Variants in MGAT4C observed in about 807,000 individuals in gnomAD.
MGAT4C encodes the protein MGAT4 family member C.
A neutral mutation model predicts 40.1 loss-of-function variants in MGAT4C; 19 were observed. The ratio of observed to expected loss-of-function variants is 0.47; its 90% confidence interval spans 0.33 to 0.70. MGAT4C has a LOEUF of 0.70. Ranked by LOEUF, MGAT4C falls within the 30% of genes least tolerant of loss-of-function variation. The pLI is 0.02. For synonymous variants in MGAT4C, 181 were observed against 187.1 expected (o/e 0.97, Z 0.27); for missense variants, 491 against 563.2 (o/e 0.87, Z 1.30).
chr12:86,361,341 T>A (rs1301782189), intron 3 of MGAT4C, among the ~76,000 whole-genome samples: 1 of 152,194 alleles, frequency 6.6e-6, no homozygotes, highest in East Asian at 1.9e-4. Flanking sequence ...TAATTCAAGA[T>A]GGATTAAAGA....
At chr12:86,197,846 A>G (rs891735348) in intron 1 of MGAT4C, among the ~76,000 whole-genome samples, 1 of 152,228 alleles carries the variant, frequency 6.6e-6, no homozygotes, top group Non-Finnish European at 1.5e-5. Flanking sequence ...ATTCAAATGT[A>G]TAGTCTAACT....
chr12:86,125,560 T>C (rs1880091961), intron 1 of MGAT4C, among the ~76,000 whole-genome samples: 2 of 152,020 alleles, frequency 1.3e-5, no homozygotes, highest in Admixed American at 1.3e-4. Flanking sequence ...CAAATAAGAA[T>C]GGCAAACAGT....
At chr12:86,700,687 C>T (rs1358085106) in intron 2 of MGAT4C, among the ~76,000 whole-genome samples, 1 of 152,082 alleles carries the variant, frequency 6.6e-6, no homozygotes, top group Non-Finnish European at 1.5e-5. Context: ...ATGACCATAA[C>T]TTTCCTGTGG....
At chr12:86,644,064 GAAC>G (rs1963468918) in intron 2 of MGAT4C, among the ~76,000 whole-genome samples, 2 of 151,572 alleles carry the variant, frequency 1.3e-5, no homozygotes, top group African/African-American at 4.8e-5. Context: ...AGTTAACTTA[GAAC>G]AACAAATTTA....
At chr12:86,593,725 T>C (rs1292042453) in intron 2 of MGAT4C, among the ~76,000 whole-genome samples, 1 of 152,206 alleles carries the variant, frequency 6.6e-6, no homozygotes, top group African/African-American at 2.4e-5. Flanking sequence ...ATGCACTTTT[T>C]ATTATTTCTA....
chr12:86,123,511 A>C (rs1879778801), intron 1 of MGAT4C, among the ~76,000 whole-genome samples: 1 of 152,114 alleles, frequency 6.6e-6, no homozygotes, highest in Non-Finnish European at 1.5e-5. Flanking sequence ...CCAAATCTTC[A>C]ACTATATTTG....
chr12:86,296,886 G>T (rs1953695127), intron 4 of MGAT4C, among the ~76,000 whole-genome samples: 1 of 152,248 alleles, frequency 6.6e-6, no homozygotes, highest in East Asian at 1.9e-4. Context: ...CCGCCGAAGT[G>T]GGAGCCCAGG....
chr12:86,505,201 T>C (rs1381677008), intron 2 of MGAT4C, among the ~76,000 whole-genome samples: 1 of 151,990 alleles, frequency 6.6e-6, no homozygotes, highest in Non-Finnish European at 1.5e-5. Flanking sequence ...CTACTCTCAA[T>C]TGTTTGAAAA....
In MGAT4C at chr12:86,556,926, C is replaced by T. The variant is rs928487333; in HGVS notation, c.-228-121661G>A. Among the ~76,000 whole-genome samples, 21 of 151,460 alleles carry T rather than the reference C, an allele frequency of 1.4e-4. No homozygotes were observed. The East Asian group carries it at 1.8e-3, about 13-fold the overall frequency. ...TTCCAAATTTTCAGTTGATTTTATTCGACTATTTTTTTAAGAAGAAAGCTA... is the reference window on the plus strand; with the variant it reads ...TTCCAAATTTTCAGTTGATTTTATTTGACTATTTTTTTAAGAAGAAAGCTA... On this transcript the variant is annotated intron_variant, in intron 2 of 7. Transcript: ENST00000548651.
At chr12:86,796,560 A>T (rs1027319918) in intron 1 of MGAT4C, among the ~76,000 whole-genome samples, 1 of 151,982 alleles carries the variant, frequency 6.6e-6, no homozygotes, top group African/African-American at 2.4e-5. Context: ...GACATTGGTC[A>T]AAGGATACAA....
chr12:86,785,875 AGAGTTT>A (rs1487899840), intron 1 of MGAT4C, among the ~76,000 whole-genome samples: 2 of 151,958 alleles, frequency 1.3e-5, no homozygotes, highest in Non-Finnish European at 2.9e-5. Flanking sequence ...CTGTTGATTT[AGAGTTT>A]ATTACAAAAT....
chr12:86,553,917 T>C (rs973081036), intron 2 of MGAT4C, among the ~76,000 whole-genome samples: 8 of 152,210 alleles, frequency 5.3e-5, no homozygotes, highest in Admixed American at 3.9e-4. Flanking sequence ...CTTGGTCTCC[T>C]ACCCATTTAT....
chr12:86,483,975 G>A (rs1318888399), intron 2 of MGAT4C, among the ~76,000 whole-genome samples: 2 of 151,738 alleles, frequency 1.3e-5, no homozygotes, highest in African/African-American at 2.4e-5. Context: ...TGGCTAAAGA[G>A]CAAAAAAGCA....
In MGAT4C at chr12:86,491,001, C is replaced by G. The variant is rs539304317; in HGVS notation, c.-228-55736G>C. Among the ~76,000 whole-genome samples the G allele has an allele frequency of 3.3e-3, 500 of 152,188 alleles. 2 individuals are homozygous for G. The highest frequency in any genetic ancestry group is 0.012 in the African/African-American group (482 of 41,520). On this transcript the variant is annotated intron_variant, in intron 2 of 7. Coordinates refer to the MGAT4C transcript ENST00000548651. ...ACCCCACTGTCAACATTAGACAGAT[C>G]AACGAGACAGAAAGTTAACAAGGAT...
At chr12:86,737,436 T>A (rs1951004846) in intron 1 of MGAT4C, among the ~76,000 whole-genome samples, 1 of 150,836 alleles carries the variant, frequency 6.6e-6, no homozygotes, top group Non-Finnish European at 1.5e-5. Flanking sequence ...CTCAGTCTAC[T>A]TTTTTCTTAA....
chr12:86,499,111 G>A (rs1442823792), intron 2 of MGAT4C, among the ~76,000 whole-genome samples: 1 of 151,766 alleles, frequency 6.6e-6, no homozygotes, highest in East Asian at 1.9e-4. Context: ...AATACAGTAT[G>A]TAACATATAA....
chr12:86,268,892 T>G (rs940645592), intron 4 of MGAT4C, among the ~76,000 whole-genome samples: 3 of 112,048 alleles, frequency 2.7e-5, no homozygotes, highest in South Asian at 2.5e-4. Flanking sequence ...AGAAAGGGTG[T>G]TTTTTTTTTG....
intron 1 of MGAT4C, among the ~76,000 whole-genome samples, chr12:86,788,299 T>C (rs973391004): frequency 7.3e-6 from 1 of 136,584 alleles, no homozygotes; most frequent in African/African-American, 2.7e-5. Context: ...CATTATTAGG[T>C]TTTTTTTTTT....
Position 85,966,486 on chromosome 12 carries a change from A to C in MGAT4C, c.*12803T>G, listed in dbSNP as rs1401524907. On this transcript the variant is annotated 3_prime_UTR_variant, in exon 5 of 5. Transcript: ENST00000611864. ...TTGTGCACTCTAATTACATAACCAA[A>C]ATCTTTTTAAAAATTCTTAGTTCTT... 6.6e-6 allele frequency: 1 copy of C among 152,140 alleles called. No homozygotes were observed. Among genetic ancestry groups the C allele is most frequent in the African/African-American group, 2.4e-5 (1 of 41,432 alleles). 9.4% of individuals were successfully genotyped at this position (152,140 alleles called of 1,614,324 possible). A position where few individuals can be genotyped will look rare whatever the true frequency, so the allele number is the denominator to read the frequency against.
Sources: gnomAD v4.1 joint callset for allele counts (sites outside exome capture counted in the v4.1 genomes callset) on GRCh38, gnomAD v4.1.1 for gene constraint, MANE v1.5 for transcripts, NCBI Gene and HGNC (gene_info 2026-07-23, HGNC 2026-07-21) for gene names.